The following ZNF641 variants were observed in gnomAD, a reference collection of about 807,000 sequenced individuals.
ZNF641 encodes zinc finger protein 641.
A neutral mutation model predicts 46.2 loss-of-function variants in ZNF641; 26 were observed. The observed-to-expected ratio is 0.56, with a 90% CI of 0.41 to 0.78. ZNF641 has a LOEUF of 0.78. Ranked by LOEUF, ZNF641 falls within the 30% of genes least tolerant of loss-of-function variation. The probability of loss-of-function intolerance (pLI) is 0.00; values close to 1 mark genes in which losing one functional copy is unlikely to be tolerated. For synonymous variants in ZNF641, 163 were observed against 187.9 expected (o/e 0.87, Z 1.09); for missense variants, 469 against 517.8 (o/e 0.91, Z 0.91).
chr12:48,341,041 G>A lies in ZNF641; in HGVS notation c.*1932C>T. On this transcript the variant is annotated 3_prime_UTR_variant, in exon 6 of 6. Transcript: ENST00000547026. ...GGAAGGCTGCTCACAGTAGCAGAAGGGAGGCAGGGGCCAAGCTGTTCAAGT... is the reference window on the plus strand; with the variant it reads ...GGAAGGCTGCTCACAGTAGCAGAAGAGAGGCAGGGGCCAAGCTGTTCAAGT... 1 of 985,502 alleles carries A rather than the reference G, an allele frequency of 1.0e-6. No individual in the cohort carries two copies. Among genetic ancestry groups the A allele is most frequent in the Non-Finnish European group, 1.2e-6 (1 of 829,968 alleles). 61.0% of individuals were successfully genotyped at this position (985,502 alleles called of 1,614,324 possible). A position where few individuals can be genotyped will look rare whatever the true frequency, so the allele number is the denominator to read the frequency against.
At position 48,342,665 on chromosome 12, in the gene ZNF641, AC is replaced by A. The variant is rs1952747589; in HGVS notation, c.*307del. 1.4e-6 allele frequency: 1 copy of A among 704,914 alleles called. No individual in the cohort carries two copies. Among genetic ancestry groups the A allele is most frequent in the East Asian group, 4.8e-5 (1 of 20,778 alleles). 43.7% of individuals were successfully genotyped at this position (704,914 alleles called of 1,614,324 possible). On this transcript the variant is annotated 3_prime_UTR_variant, in exon 6 of 6. Coordinates refer to ENST00000547026, the MANE Select transcript of ZNF641 (RefSeq NM_001172681.2). ...AACAACTGGTATAGCATAGACTCCA[AC>A]CAATCAGAATGGATTTCAGCCATAA...
In ZNF641 at chr12:48,345,321, G is replaced by A. The variant is rs770118037; in HGVS notation, c.406+24C>T. 7 of 1,612,774 alleles carry A rather than the reference G, an allele frequency of 4.3e-6. No individual in the cohort carries two copies. The African/African-American group carries it at 9.3e-5, about 22-fold the overall frequency. On this transcript the variant is annotated intron_variant, in intron 4 of 5. Transcript: ENST00000547026. Reference sequence around the variant, plus strand: ...CGTCCTCCCAGAGTCCAATCTTCTAGTGGCTGGAGAAGGTCATGCTTACTC... The same window carrying A: ...CGTCCTCCCAGAGTCCAATCTTCTAATGGCTGGAGAAGGTCATGCTTACTC...
At chr12:48,345,605 G>A in intron 3 of ZNF641, 131 bp from the exon 4 acceptor site, 3 of 1,101,528 alleles carry the variant, frequency 2.7e-6, no homozygotes, top group Non-Finnish European at 3.9e-6. Context: ...AGAAGTCCCT[G>A]GGTAGGGCAC....
At chr12:48,350,145 C>G in intron 1 of ZNF641, 1 of 1,609,972 alleles carries the variant, frequency 6.2e-7, no homozygotes, top group East Asian at 2.2e-5. Flanking sequence ...CCAGGATGAT[C>G]CCATGCCCAC....
Position 48,341,603 on chromosome 12 carries a change from C to G in ZNF641, c.*1370G>C. On this transcript the variant is annotated 3_prime_UTR_variant, in exon 6 of 6. Coordinates refer to ENST00000547026, the MANE Select transcript of ZNF641 (RefSeq NM_001172681.2). Reference sequence around the variant, plus strand: ...AGATCTTCAAGAATAACTCTTGCCCCTTGATGAGGCAGTCAAATTCAAACC... The same window carrying G: ...AGATCTTCAAGAATAACTCTTGCCCGTTGATGAGGCAGTCAAATTCAAACC... The G allele has an allele frequency of 1.0e-6, 1 of 985,434 alleles. No homozygotes were observed. Among genetic ancestry groups the G allele is most frequent in the Non-Finnish European group, 1.2e-6 (1 of 829,928 alleles). The allele number at this position is 985,434 out of a possible 1,614,324, so 61.0% of individuals were successfully genotyped here.
In ZNF641 at chr12:48,338,627, A is replaced by G. The variant is rs1244112195; in HGVS notation, c.*4346T>C. 3 of 152,242 alleles carry G rather than the reference A, an allele frequency of 2.0e-5. No individual in the cohort carries two copies. Among genetic ancestry groups the G allele is most frequent in the Admixed American group, 1.3e-4 (2 of 15,282 alleles). The allele number at this position is 152,242 out of a possible 1,614,324, so 9.4% of individuals were successfully genotyped here. On this transcript the variant is annotated 3_prime_UTR_variant, in exon 6 of 6. Transcript: ENST00000547026. ...CAGAATCTTCTAAGCAGCAGAATGC[A>G]TTTTGGGCACCATGGCTTCATTGGT...
At position 48,343,465 on chromosome 12, in the gene ZNF641, CCATA is replaced by C; in HGVS notation, c.779_782del (p.Val260GlyfsTer114). 6.2e-7 allele frequency: 1 copy of C among 1,613,962 alleles called. No homozygotes were observed. Among genetic ancestry groups the C allele is most frequent in the Non-Finnish European group, 8.5e-7 (1 of 1,179,868 alleles). On this transcript the variant is annotated frameshift_variant, in exon 6 of 6. Coordinates refer to ENST00000547026, the MANE Select transcript of ZNF641 (RefSeq NM_001172681.2). LOFTEE classifies it high-confidence loss of function. ...GTTGATGCCTGGCAAGGTGGGAACC[CCATA>C]CAAACTGTTTCCCACACTGGGGGCA...
chr12:48,350,993 TGGGA>T (rs1320853314), upstream of ZNF641: 1 of 190,016 alleles, frequency 5.3e-6, no homozygotes, highest in Non-Finnish European at 8.0e-6. Context: ...GTGCGGGGAG[TGGGA>T]GGGAGAGGAG....
At chr12:48,336,428 A>G (rs1423477994), downstream of ZNF641, among the ~76,000 whole-genome samples, 1 of 152,208 alleles carries the variant, frequency 6.6e-6, no homozygotes, top group Admixed American at 6.5e-5. Context: ...CAACAAAACA[A>G]TCTGGCTGGG....
At chr12:48,336,220 T>C (rs371282656), downstream of ZNF641, among the ~76,000 whole-genome samples, 2 of 152,188 alleles carry the variant, frequency 1.3e-5, no homozygotes, top group South Asian at 4.1e-4. Flanking sequence ...ATATACAGTG[T>C]TGGTGGGAGT....
intron 4 of ZNF641, among the ~76,000 whole-genome samples, chr12:48,344,998 G>A (rs1489108): frequency 0.24 from 36,002 of 151,604 alleles, 5,456 homozygotes; most frequent in South Asian, 0.36. Context: ...GTCCTACTAC[G>A]ACAGTCCTAC....
chr12:48,347,403 T>C (rs1952907289), intron 2 of ZNF641, 60 bp from the exon 3 acceptor site: 9 of 1,434,768 alleles, frequency 6.3e-6, no homozygotes, highest in Non-Finnish European at 8.4e-6. Flanking sequence ...CAATGGGGCC[T>C]GGGCCCCATT....
chr12:48,342,188 G>C lies in ZNF641; in HGVS notation c.*785C>G. 1 of 985,398 alleles carries C rather than the reference G, an allele frequency of 1.0e-6. No individual in the cohort carries two copies. The highest frequency in any genetic ancestry group is 1.2e-6 in the Non-Finnish European group (1 of 829,932). 61.0% of individuals were successfully genotyped at this position (985,398 alleles called of 1,614,324 possible). Reference sequence around the variant, plus strand: ...TTAGATCATCTCTTAGCCTTGTAGTGTGATCTCTCAGCTGGATATATGTAT... The same window carrying C: ...TTAGATCATCTCTTAGCCTTGTAGTCTGATCTCTCAGCTGGATATATGTAT... On this transcript the variant is annotated 3_prime_UTR_variant, in exon 6 of 6. Coordinates refer to ENST00000547026, the MANE Select transcript of ZNF641 (RefSeq NM_001172681.2).
Position 48,340,128 on chromosome 12 carries a change from G to A in ZNF641, c.*2845C>T, listed in dbSNP as rs1592139016. 6 of 985,480 alleles carry A rather than the reference G, an allele frequency of 6.1e-6. No homozygotes were observed. The East Asian group carries it at 6.8e-4, about 112-fold the overall frequency. The allele number at this position is 985,480 out of a possible 1,614,324, so 61.0% of individuals were successfully genotyped here. On this transcript the variant is annotated 3_prime_UTR_variant, in exon 6 of 6. Coordinates refer to ENST00000547026, the MANE Select transcript of ZNF641 (RefSeq NM_001172681.2). ...ATCATTCAAATCTATTCACTCATCTGATGGCTGTTGCTTGTTTTATTTTTT... is the reference window on the plus strand; with the variant it reads ...ATCATTCAAATCTATTCACTCATCTAATGGCTGTTGCTTGTTTTATTTTTT...
In ZNF641 at chr12:48,350,091, C is replaced by A. The variant is rs200248292; in HGVS notation, c.-26+695G>T. 6.8e-6 allele frequency: 11 copies of A among 1,614,056 alleles called. No individual in the cohort carries two copies. The African/African-American group carries it at 1.5e-4, about 22-fold the overall frequency. ...CTAAGATATTCACGCAGAGCCAGCA[C>A]CTGGGCGGTTAAGGTGGTAGCCCTA... On this transcript the variant is annotated intron_variant, in intron 1 of 5. Transcript: ENST00000547026.
chr12:48,340,890 C>T lies in ZNF641; in HGVS notation c.*2083G>A, dbSNP rs1952702083. The T allele has an allele frequency of 1.0e-6, 1 of 985,468 alleles. No homozygotes were observed. Among genetic ancestry groups the T allele is most frequent in the African/African-American group, 1.7e-5 (1 of 57,364 alleles). 61.0% of individuals were successfully genotyped at this position (985,468 alleles called of 1,614,324 possible). A position where few individuals can be genotyped will look rare whatever the true frequency, so the allele number is the denominator to read the frequency against. Reference sequence around the variant, plus strand: ...TTACTCCCTGGGGCATCTCCTAATACTGATCCTAAAATGCTCCTGTTTCTG... The same window carrying T: ...TTACTCCCTGGGGCATCTCCTAATATTGATCCTAAAATGCTCCTGTTTCTG... On this transcript the variant is annotated 3_prime_UTR_variant, in exon 6 of 6. Transcript: ENST00000547026.
Position 48,347,895 on chromosome 12 carries a change from G to A in ZNF641, c.184+12C>T. On this transcript the variant is annotated intron_variant, in intron 2 of 5. Transcript: ENST00000547026. ...ATGCACTGTGCTTCCCACACACTCT[G>A]TGAGTTCTCACCCTTCTCCTGAAGG... 6.2e-7 allele frequency: 1 copy of A among 1,612,528 alleles called. No individual in the cohort carries two copies. Among genetic ancestry groups the A allele is most frequent in the Non-Finnish European group, 8.5e-7 (1 of 1,179,282 alleles).
chr12:48,342,433 G>C lies in ZNF641; in HGVS notation c.*540C>G. 2 of 987,098 alleles carry C rather than the reference G, an allele frequency of 2.0e-6. No individual in the cohort carries two copies. The highest frequency in any genetic ancestry group is 2.4e-6 in the Non-Finnish European group (2 of 831,096). 61.1% of individuals were successfully genotyped at this position (987,098 alleles called of 1,614,324 possible). A position where few individuals can be genotyped will look rare whatever the true frequency, so the allele number is the denominator to read the frequency against. ...TTACTCTCTAACCCAGTGTTCACCA[G>C]AGTGTTTCATAGTCACCAGTTCTGT... On this transcript the variant is annotated 3_prime_UTR_variant, in exon 6 of 6. Coordinates refer to ENST00000547026, the MANE Select transcript of ZNF641 (RefSeq NM_001172681.2).
intron 4 of ZNF641, 92 bp downstream of exon 4, chr12:48,345,253 G>C: frequency 6.8e-7 from 1 of 1,475,416 alleles, no homozygotes; most frequent in South Asian, 1.3e-5. Flanking sequence ...CACATAAAGA[G>C]TCCTAGACAG....
Sources: gnomAD v4.1 joint callset for allele counts (sites outside exome capture counted in the v4.1 genomes callset) on GRCh38, gnomAD v4.1.1 for gene constraint, MANE v1.5 for transcripts, NCBI Gene and HGNC (gene_info 2026-07-23, HGNC 2026-07-21) for gene names.